The following DLG2 variants were observed in gnomAD, a reference collection of about 807,000 sequenced individuals.
The protein encoded by DLG2 is disks large homolog 2.
DLG2 carries 45 observed loss-of-function variants against 132.5 expected under a neutral mutation model. The observed-to-expected ratio is 0.34, with a 90% CI of 0.27 to 0.44. DLG2 has a LOEUF of 0.44. Among genes scored for constraint, DLG2 ranks in the 20% least tolerant of loss-of-function variants. The pLI, the probability that DLG2 is intolerant of heterozygous loss-of-function variation, is 1.00. For missense variants in DLG2, 1,045 were observed against 1,196.9 expected, an observed-to-expected ratio of 0.87 and a Z score of 1.87; for synonymous variants, 424 against 419.6, an observed-to-expected ratio of 1.01 and a Z score of -0.13.
At chr11:83,997,730 CAAAAAAAAAAAAAAAAA>C (rs71066079) in intron 11 of DLG2, among the ~76,000 whole-genome samples, 40 of 24,790 alleles carry the variant, frequency 1.6e-3, no homozygotes, top group African/African-American at 6.0e-3. Flanking sequence ...GACTCCATCT[CAAAAAAAAAAAAAAAAA>C]AAAAAAAAAA....
intron 7 of DLG2, among the ~76,000 whole-genome samples, chr11:84,496,456 T>C (rs902889254): frequency 6.6e-6 from 1 of 152,136 alleles, no homozygotes; most frequent in Non-Finnish European, 1.5e-5. Flanking sequence ...GCTTTAACCT[T>C]AGAAATCAAT....
intron 6 of DLG2, among the ~76,000 whole-genome samples, chr11:84,567,254 C>T (rs148828690): frequency 2.6e-3 from 396 of 152,036 alleles, no homozygotes; most frequent in Non-Finnish European, 4.2e-3. Context: ...TATTATAATG[C>T]CTAAAGGGTG....
At chr11:83,933,931 A>G (rs180999966) in intron 14 of DLG2, among the ~76,000 whole-genome samples, 1 of 152,374 alleles carries the variant, frequency 6.6e-6, no homozygotes, top group East Asian at 1.9e-4. Context: ...AAAGGAAAAG[A>G]TGCAAACATG....
chr11:84,450,683 A>C (rs1172729188), intron 7 of DLG2, among the ~76,000 whole-genome samples: 1 of 151,820 alleles, frequency 6.6e-6, no homozygotes, highest in African/African-American at 2.4e-5. Context: ...TCCTAGACTG[A>C]GTTCAAATCC....
At chr11:83,562,665 A>T (rs895154357) in intron 19 of DLG2, among the ~76,000 whole-genome samples, 1 of 152,212 alleles carries the variant, frequency 6.6e-6, no homozygotes, top group African/African-American at 2.4e-5. Context: ...AAATAGGTAC[A>T]TATCAGTACA....
At chr11:84,711,769 G>A (rs2060480273) in intron 6 of DLG2, among the ~76,000 whole-genome samples, 1 of 151,784 alleles carries the variant, frequency 6.6e-6, no homozygotes, top group South Asian at 2.1e-4. Flanking sequence ...TGCTTTATTG[G>A]GTCTACCAAT....
At position 84,711,537 on chromosome 11, in the gene DLG2, C is replaced by T. The variant is rs559755157; in HGVS notation, c.358-176806G>A. On this transcript the variant is annotated intron_variant, in intron 6 of 27. Coordinates refer to ENST00000376104, the MANE Select transcript of DLG2 (RefSeq NM_001142699.3). ...TGCAGTTCCAATTCTAGTCTAAAGG[C>T]CTGAGAACTGAGAAAGCTGATGATA... is the stretch of plus-strand genomic sequence containing the variant. Among the ~76,000 whole-genome samples the T allele has an allele frequency of 4.0e-5, 6 of 151,298 alleles. No individual in the cohort carries two copies. The East Asian group carries it at 1.2e-3, about 30-fold the overall frequency.
intron 10 of DLG2, among the ~76,000 whole-genome samples, chr11:84,079,214 C>A (rs1338018113): frequency 1.3e-5 from 2 of 151,982 alleles, no homozygotes; most frequent in African/African-American, 4.8e-5. Flanking sequence ...TTTTTGCCAA[C>A]ACCTTAGTTC....
At chr11:83,924,622 G>A (rs1381649904) in intron 15 of DLG2, among the ~76,000 whole-genome samples, 1 of 152,056 alleles carries the variant, frequency 6.6e-6, no homozygotes, top group African/African-American at 2.4e-5. Context: ...TCGCTATTAA[G>A]CTATGAACGG....
At chr11:84,998,591 G>C (rs1174897732) in intron 6 of DLG2, among the ~76,000 whole-genome samples, 1 of 152,122 alleles carries the variant, frequency 6.6e-6, no homozygotes, top group East Asian at 1.9e-4. Flanking sequence ...GCATTTCTAA[G>C]TGGTGGTATC....
At chr11:83,766,775 A>G (rs1328831598) in intron 18 of DLG2, among the ~76,000 whole-genome samples, 1 of 152,204 alleles carries the variant, frequency 6.6e-6, no homozygotes, top group Non-Finnish European at 1.5e-5. Context: ...ATTTACCAGT[A>G]GTAAATACAA....
intron 17 of DLG2, among the ~76,000 whole-genome samples, chr11:83,830,894 A>T (rs1039619322): frequency 6.6e-6 from 1 of 152,218 alleles, no homozygotes; most frequent in African/African-American, 2.4e-5. Context: ...GGAACATTTA[A>T]TGACGATATG....
intron 19 of DLG2, among the ~76,000 whole-genome samples, chr11:83,617,725 T>C (rs983063037): frequency 6.6e-6 from 1 of 152,080 alleles, no homozygotes; most frequent in African/African-American, 2.4e-5. Flanking sequence ...CTAAGTATGG[T>C]GTTTAGGCTG....
Position 83,472,428 on chromosome 11 carries a change from C to T in DLG2, c.2344+299G>A, listed in dbSNP as rs1453628901. Among the ~76,000 whole-genome samples the T allele has an allele frequency of 3.9e-5, 6 of 152,154 alleles. No homozygotes were observed. The East Asian group carries it at 9.6e-4, about 24-fold the overall frequency. On this transcript the variant is annotated intron_variant, in intron 23 of 27. Transcript: ENST00000376104. ...CTCAGGAGAATTTATTCACCAGTCT[C>T]GTAGCTAGTGCTCTTTAGGTAATTT...
At chr11:85,054,123 G>A (rs2063201932) in intron 6 of DLG2, among the ~76,000 whole-genome samples, 1 of 151,766 alleles carries the variant, frequency 6.6e-6, no homozygotes, top group South Asian at 2.1e-4. Flanking sequence ...AATTTAGCTG[G>A]GTGTGCTGGT....
rs145498024 is a variant in DLG2, at chr11:83,952,953, G to C, written c.1340+9932C>G. Among the ~76,000 whole-genome samples, 1,203 of 152,196 alleles carry C rather than the reference G, an allele frequency of 7.9e-3. 12 individuals carry two copies. Among genetic ancestry groups the C allele is most frequent in the African/African-American group, 0.028 (1,144 of 41,540 alleles). On this transcript the variant is annotated intron_variant, in intron 14 of 27. Transcript: ENST00000376104. ...TTAAGGAGGGCTATAAGGTAGATCA[G>C]TAGGTAATAAAAAGCAAATGGATAT...
At chr11:85,399,029 C>T (rs145193946) in intron 3 of DLG2, among the ~76,000 whole-genome samples, 7,264 of 152,152 alleles carry the variant, frequency 0.048, 224 homozygotes, top group East Asian at 0.096. Context: ...ATTTAGAAAA[C>T]CCCATTGTCT....
rs528451435 is a variant in DLG2 at position 83,746,455 on chromosome 11, T to A, written c.1825+40235A>T. On this transcript the variant is annotated intron_variant, in intron 18 of 27. Transcript: ENST00000376104. ...ACATGGATGAAGCTGGAAACCATCA[T>A]TCTCAGCAAACCATTGCAAGGACAA... Among the ~76,000 whole-genome samples the A allele has an allele frequency of 3.4e-4, 52 of 152,206 alleles. 1 individual carries two copies. The South Asian group carries it at 5.4e-3, about 16-fold the overall frequency.
At chr11:85,344,201 G>C (rs1182320045) in intron 3 of DLG2, among the ~76,000 whole-genome samples, 3 of 152,082 alleles carry the variant, frequency 2.0e-5, no homozygotes, top group Admixed American at 6.6e-5. Context: ...TTGGCTTCCT[G>C]AATCTGATCA....
Sources: allele counts gnomAD v4.1 joint callset (sites outside exome capture counted in the v4.1 genomes callset), GRCh38; gene constraint gnomAD v4.1.1; transcripts MANE v1.5; gene names NCBI Gene and HGNC (gene_info 2026-07-23, HGNC 2026-07-21).